RNF13: variants seen among roughly 807,000 people sequenced by gnomAD.
RNF13 encodes the protein E3 ubiquitin-protein ligase RNF13.
In RNF13, 19 loss-of-function variants were observed where a neutral mutation model predicts 37.7. The observed-to-expected ratio is 0.50, with a 90% CI of 0.35 to 0.74. The LOEUF (loss-of-function observed/expected upper bound fraction) is 0.74, where lower values mean the gene tolerates loss of function less well. Among genes scored for constraint, RNF13 ranks in the 30% least tolerant of loss-of-function variants. The pLI is 0.01. For missense variants in RNF13, 375 were observed against 453.0 expected, an observed-to-expected ratio of 0.83 and a Z score of 1.56; for synonymous variants, 144 against 157.8, an observed-to-expected ratio of 0.91 and a Z score of 0.65.
intron 2 of RNF13, among the ~76,000 whole-genome samples, chr3:149,848,962 A>G (rs553359280): frequency 1.3e-5 from 2 of 152,326 alleles, no homozygotes; most frequent in South Asian, 4.1e-4. Context: ...TCAGTTACAC[A>G]GGAATTCAAT....
intron 4 of RNF13, among the ~76,000 whole-genome samples, chr3:149,873,884 T>A (rs78124243): frequency 0.018 from 2,752 of 152,322 alleles, 92 homozygotes; most frequent in African/African-American, 0.062. Flanking sequence ...GTGTTTAGAA[T>A]TCATGTTTTA....
At chr3:149,931,034 T>G (rs1719109484) in intron 8 of RNF13, among the ~76,000 whole-genome samples, 1 of 152,036 alleles carries the variant, frequency 6.6e-6, no homozygotes, top group Admixed American at 6.6e-5. Context: ...TTTTCTGGTG[T>G]TTTTTTGGTT....
intron 3 of RNF13, among the ~76,000 whole-genome samples, chr3:149,871,701 A>C (rs368249643): frequency 1.3e-5 from 2 of 152,260 alleles, no homozygotes; most frequent in African/African-American, 4.8e-5. Flanking sequence ...GTTAATTTTT[A>C]AGACATATTT....
intron 1 of RNF13, among the ~76,000 whole-genome samples, chr3:149,818,072 C>G (rs1719645208): frequency 6.6e-6 from 1 of 152,138 alleles, no homozygotes; most frequent in Non-Finnish European, 1.5e-5. Flanking sequence ...AGTAAACCAA[C>G]AGAAAAATGT....
At chr3:149,955,260 A>G (rs1451750942) in intron 8 of RNF13, among the ~76,000 whole-genome samples, 1 of 151,794 alleles carries the variant, frequency 6.6e-6, no homozygotes, top group East Asian at 1.9e-4. Flanking sequence ...GTTAATTTTT[A>G]TAATTTTTTT....
chr3:149,924,899 G>A (rs1417166387), intron 8 of RNF13, among the ~76,000 whole-genome samples: 1 of 152,160 alleles, frequency 6.6e-6, no homozygotes, highest in Non-Finnish European at 1.5e-5. Flanking sequence ...TGGATATCTT[G>A]CACAAAAAGG....
At chr3:149,833,645 G>A (rs979878620) in intron 1 of RNF13, among the ~76,000 whole-genome samples, 3 of 152,090 alleles carry the variant, frequency 2.0e-5, no homozygotes, top group Non-Finnish European at 4.4e-5. Flanking sequence ...GTAAAAAACC[G>A]ACAACTAATA....
chr3:149,832,286 G>C (rs981938384), intron 1 of RNF13, among the ~76,000 whole-genome samples: 7 of 152,168 alleles, frequency 4.6e-5, no homozygotes, highest in Non-Finnish European at 1.5e-5. Context: ...TATGGAGATG[G>C]CTGGCTGTTT....
intron 1 of RNF13, among the ~76,000 whole-genome samples, chr3:149,821,627 A>AT (rs1720006210): frequency 3.3e-5 from 5 of 150,548 alleles, no homozygotes; most frequent in African/African-American, 1.2e-4. Flanking sequence ...TTTTTTTTCA[A>AT]TTTTTTGATA....
intron 1 of RNF13, among the ~76,000 whole-genome samples, chr3:149,835,440 G>T (rs983722313): frequency 6.6e-6 from 1 of 151,700 alleles, no homozygotes; most frequent in East Asian, 1.9e-4. Context: ...CCTTTCCCCT[G>T]AGTCCCTAAA....
At chr3:149,823,774 G>C (rs1720223400) in intron 1 of RNF13, among the ~76,000 whole-genome samples, 1 of 152,104 alleles carries the variant, frequency 6.6e-6, no homozygotes, top group Non-Finnish European at 1.5e-5. Context: ...TATGATACAA[G>C]TGATTACTTT....
chr3:149,921,481 G>A (rs1046117566), intron 8 of RNF13, among the ~76,000 whole-genome samples: 1 of 151,786 alleles, frequency 6.6e-6, no homozygotes, highest in African/African-American at 2.4e-5. Flanking sequence ...GCCCTGTTGT[G>A]TGATGTTCCC....
chr3:149,822,996 T>G (rs1720140477), intron 1 of RNF13, among the ~76,000 whole-genome samples: 2 of 152,224 alleles, frequency 1.3e-5, no homozygotes, highest in South Asian at 4.1e-4. Context: ...TGTGAACAAT[T>G]TCAACCTCAT....
chr3:149,838,049 A>G (rs2130321), intron 1 of RNF13, among the ~76,000 whole-genome samples: 6 of 152,082 alleles, frequency 3.9e-5, no homozygotes, highest in African/African-American at 1.2e-4. Context: ...TGCAAGTCCA[A>G]AATCCAGCGG....
chr3:149,820,267 G>T (rs1198493778), intron 1 of RNF13, among the ~76,000 whole-genome samples: 1 of 151,364 alleles, frequency 6.6e-6, no homozygotes, highest in Non-Finnish European at 1.5e-5. Flanking sequence ...ACCTGGTATG[G>T]TCTCAAACTC....
intron 8 of RNF13, among the ~76,000 whole-genome samples, chr3:149,949,431 T>A (rs543234796): frequency 1.4e-5 from 2 of 139,932 alleles, no homozygotes; most frequent in African/African-American, 5.1e-5. Context: ...CTGGGTTGCT[T>A]TTTTTTTTTT....
At chr3:149,835,436 C>T (rs974564034) in intron 1 of RNF13, among the ~76,000 whole-genome samples, 2 of 152,032 alleles carry the variant, frequency 1.3e-5, no homozygotes, top group Non-Finnish European at 2.9e-5. Context: ...CTACCCTTTC[C>T]CCTGAGTCCC....
chr3:149,918,564 G>T (rs565331601), intron 7 of RNF13, among the ~76,000 whole-genome samples: 1 of 152,026 alleles, frequency 6.6e-6, no homozygotes, highest in East Asian at 1.9e-4. Flanking sequence ...TTTATGCAGG[G>T]TCTTGCTCTA....
chr3:149,943,554 C>G (rs556895549), intron 8 of RNF13, among the ~76,000 whole-genome samples: 21 of 152,258 alleles, frequency 1.4e-4, no homozygotes, highest in Non-Finnish European at 2.8e-4. Flanking sequence ...CATAGTTTAC[C>G]TTAGCGTTTA....
Sources: gnomAD v4.1 joint callset for allele counts (sites outside exome capture counted in the v4.1 genomes callset) on GRCh38, gnomAD v4.1.1 for gene constraint, MANE v1.5 for transcripts, NCBI Gene and HGNC (gene_info 2026-07-23, HGNC 2026-07-21) for gene names.